Variants in ECT2L observed in about 807,000 individuals in gnomAD.
ECT2L encodes the protein epithelial cell-transforming sequence 2 oncogene-like.
Under a neutral mutation model 122.8 loss-of-function variants are expected in ECT2L, and 126 were observed. The ratio of observed to expected loss-of-function variants is 1.03; its 90% CI spans 0.89 to 1.19. The LOEUF (loss-of-function observed/expected upper bound fraction) is 1.19, where lower values mean the gene tolerates loss of function less well. ECT2L is among the 50% of genes most tolerant of loss of function. ECT2L has a pLI of 0.00. For synonymous variants in ECT2L, 385 were observed against 381.8 expected, an observed-to-expected ratio of 1.01 and a Z score of -0.10; for missense variants, 1,012 against 1,064.1, an observed-to-expected ratio of 0.95 and a Z score of 0.68.
At chr6:138,845,641 G>C (rs1051672668) in intron 7 of ECT2L, among the ~76,000 whole-genome samples, 4 of 152,176 alleles carry the variant, frequency 2.6e-5, no homozygotes, top group African/African-American at 9.7e-5. Flanking sequence ...ACATGTCAAA[G>C]TGTCAAACAC....
At position 138,876,553 on chromosome 6, in the gene ECT2L, A is replaced by C; in HGVS notation, c.1660A>C (p.Asn554His). 6.2e-7 allele frequency: 1 copy of C among 1,604,724 alleles called. No individual in the cohort carries two copies. Among genetic ancestry groups the C allele is most frequent in the Non-Finnish European group, 8.5e-7 (1 of 1,171,958 alleles). Residue 554 changes from asparagine to histidine, a missense_variant, in exon 14 of 22, where the codon AAT becomes CAT. Physicochemically the swap from Asn to His is moderately conservative, Grantham distance 68 (BLOSUM62 1). Transcript: ENST00000541398. ...KNDLNFEALI[N>H]LERILQKDSA... Reference sequence around the variant, plus strand: ...TGATTTAAATTTTGAAGCACTGATTAATCTGGTAAGCTATTATATAATGTA... The same window carrying C: ...TGATTTAAATTTTGAAGCACTGATTCATCTGGTAAGCTATTATATAATGTA...
chr6:138,825,818 G>GAAT (rs1776428946), intron 4 of ECT2L, among the ~76,000 whole-genome samples: 1 of 152,020 alleles, frequency 6.6e-6, no homozygotes, highest in Non-Finnish European at 1.5e-5. Flanking sequence ...GAAGACTTTA[G>GAAT]CACATGCTTC....
intron 4 of ECT2L, among the ~76,000 whole-genome samples, chr6:138,815,027 G>A (rs1175951455): frequency 2.0e-5 from 3 of 152,186 alleles, no homozygotes; most frequent in African/African-American, 7.2e-5. Flanking sequence ...AGGAATATGG[G>A]CAAGACTTAT....
At chr6:138,901,638 C>G (rs1443091907) in intron 21 of ECT2L, among the ~76,000 whole-genome samples, 1 of 152,138 alleles carries the variant, frequency 6.6e-6, no homozygotes, top group Non-Finnish European at 1.5e-5. Context: ...ACAGTAATTC[C>G]AATAGAAATA....
rs756234246 is a variant in ECT2L, at chr6:138,885,551, G to A, written c.2074G>A (p.Asp692Asn). The A allele has an allele frequency of 3.7e-6, 6 of 1,614,014 alleles. No individual in the cohort carries two copies. Among genetic ancestry groups the A allele is most frequent in the Non-Finnish European group, 5.1e-6 (6 of 1,180,016 alleles). ...PAFRTFLKRH[D>N]KTIVTKMLSL... ...ATTCCGAACTTTCCTGAAGAGGCATGATAAGACCATTGTTACCAAAATGCT... is the reference window on the plus strand; with the variant it reads ...ATTCCGAACTTTCCTGAAGAGGCATAATAAGACCATTGTTACCAAAATGCT... The change falls in exon 17 of 22, where the codon GAT becomes AAT. Residue 692 changes from aspartate (D) to asparagine (N), a missense_variant. Asp to Asn is a conservative substitution (Grantham distance 23). Transcript: ENST00000541398.
intron 7 of ECT2L, 34 bp downstream of exon 7, chr6:138,844,614 C>G (rs1235041291): frequency 1.9e-6 from 3 of 1,596,828 alleles, no homozygotes; most frequent in African/African-American, 2.7e-5. Context: ...AGGCTCAACA[C>G]CATCCCAATA....
rs1013426895 is a variant in ECT2L at position 138,885,614 on chromosome 6, C to G, written c.2102+35C>G. 2.5e-6 allele frequency: 4 copies of G among 1,613,868 alleles called. No homozygotes were observed. In the African/African-American group the frequency reaches 4.0e-5, roughly 16 times the overall value. On this transcript the variant is annotated intron_variant, in intron 17 of 21. Coordinates refer to ENST00000541398, the MANE Select transcript of ECT2L (RefSeq NM_001077706.3). ...GAGGGAGAGCACAGCAGGGGTCCCC[C>G]CAGAGAGGGCATTCCTGGGCCTTCA... is the stretch of plus-strand genomic sequence containing the variant.
rs1779440736 is a variant in ECT2L at position 138,902,573 on chromosome 6, G to A, written c.2661G>A (p.Lys887=). The change falls in exon 22 of 22, where the codon AAG becomes AAA. Residue 887 remains lysine (K), a synonymous_variant. Transcript: ENST00000541398. The part of the protein sequence containing the change: ...WICATEIEDD[K]FLWLSVLRNA... ...GTGCTACAGAAATAGAGGATGATAAGTTCCTATGGCTGTCAGTACTTCGAA... is the reference window on the plus strand; with the variant it reads ...GTGCTACAGAAATAGAGGATGATAAATTCCTATGGCTGTCAGTACTTCGAA... 1.2e-6 allele frequency: 2 copies of A among 1,613,886 alleles called. No homozygotes were observed. Among genetic ancestry groups the A allele is most frequent in the South Asian group, 2.2e-5 (2 of 91,054 alleles).
intron 4 of ECT2L, among the ~76,000 whole-genome samples, chr6:138,829,525 T>A (rs1002482111): frequency 6.6e-5 from 10 of 152,204 alleles, no homozygotes; most frequent in African/African-American, 2.4e-4. Flanking sequence ...ACACAGGAAA[T>A]CTTGGTTCCC....
chr6:138,846,713 G>GT, intron 8 of ECT2L, 36 bp downstream of exon 8: 3 of 1,416,908 alleles, frequency 2.1e-6, no homozygotes, highest in South Asian at 1.8e-5. Flanking sequence ...TGTCCTGATT[G>GT]TTTTTTTGTT....
intron 5 of ECT2L, among the ~76,000 whole-genome samples, chr6:138,839,222 T>C (rs1776956263): frequency 6.6e-6 from 1 of 152,236 alleles, no homozygotes; most frequent in African/African-American, 2.4e-5. Flanking sequence ...AGAACATACA[T>C]TGAGATCTGT....
In ECT2L at chr6:138,845,532, G is replaced by C. The variant is rs141308601; in HGVS notation, c.764+952G>C. 8.6e-3 allele frequency among the ~76,000 whole-genome samples: 1,309 copies of C among 152,144 alleles called. 22 individuals carry two copies. Among genetic ancestry groups the C allele is most frequent in the African/African-American group, 0.03 (1,241 of 41,548 alleles). ...GTGCTGGGATTACAGACATGAGCCA[G>C]CATGCCCAGCCAACTTTGGATTCTT... is the stretch of plus-strand genomic sequence containing the variant. On this transcript the variant is annotated intron_variant, in intron 7 of 21. Transcript: ENST00000541398.
At chr6:138,900,525 G>A (rs1242097938) in intron 20 of ECT2L, among the ~76,000 whole-genome samples, 4 of 152,142 alleles carry the variant, frequency 2.6e-5, no homozygotes, top group East Asian at 3.8e-4. Flanking sequence ...GATTACAGGC[G>A]TGAGCCACCG....
intron 4 of ECT2L, among the ~76,000 whole-genome samples, chr6:138,836,192 A>G (rs1229664055): frequency 6.6e-6 from 1 of 152,164 alleles, no homozygotes; most frequent in Non-Finnish European, 1.5e-5. Flanking sequence ...AAGCAATTTA[A>G]AAGTATTTGA....
intron 15 of ECT2L, among the ~76,000 whole-genome samples, chr6:138,882,130 G>A (rs1169670065): frequency 6.6e-6 from 1 of 152,200 alleles, no homozygotes; most frequent in Non-Finnish European, 1.5e-5. Context: ...TGCATAACAT[G>A]AGAGAGAAAA....
chr6:138,830,443 AG>A (rs1776609058), intron 4 of ECT2L, among the ~76,000 whole-genome samples: 1 of 152,156 alleles, frequency 6.6e-6, no homozygotes. Flanking sequence ...TTTTGCAAAA[AG>A]GGATGTCAAA....
chr6:138,861,337 T>A (rs1278206240), intron 10 of ECT2L, among the ~76,000 whole-genome samples: 1 of 152,182 alleles, frequency 6.6e-6, no homozygotes, highest in East Asian at 1.9e-4. Flanking sequence ...TAATTTACAC[T>A]CCCACCAACA....
At position 138,903,527 on chromosome 6, in the gene ECT2L, G is replaced by A. The variant is rs1349806196; in HGVS notation, c.*900G>A. The A allele has an allele frequency of 6.6e-6, 1 of 152,046 alleles. No homozygotes were observed. The highest frequency in any genetic ancestry group is 2.4e-5 in the African/African-American group (1 of 41,400). The allele number at this position is 152,046 out of a possible 1,614,324, so 9.4% of individuals were successfully genotyped here. ...ATTTTTAAGTGTTATTTATTGGAAGGCTAAATTCTAAGAAGCTTTAACAAA... is the reference window on the plus strand; with the variant it reads ...ATTTTTAAGTGTTATTTATTGGAAGACTAAATTCTAAGAAGCTTTAACAAA... On this transcript the variant is annotated 3_prime_UTR_variant, in exon 22 of 22. Coordinates refer to ENST00000541398, the MANE Select transcript of ECT2L (RefSeq NM_001077706.3).
chr6:138,883,073 G>T (rs1187024509), intron 16 of ECT2L, among the ~76,000 whole-genome samples: 4 of 152,140 alleles, frequency 2.6e-5, no homozygotes, highest in Non-Finnish European at 4.4e-5. Flanking sequence ...GCCAGGAACT[G>T]GTTCTTAAAC....
Sources: allele counts gnomAD v4.1 joint callset (sites outside exome capture counted in the v4.1 genomes callset), GRCh38; gene constraint gnomAD v4.1.1; transcripts MANE v1.5; gene names NCBI Gene and HGNC (gene_info 2026-07-23, HGNC 2026-07-21).